ERC1: variants seen among roughly 807,000 people sequenced by gnomAD.
ERC1 encodes the protein RAB6 interacting protein 2.
Under a neutral mutation model 132.0 loss-of-function variants are expected in ERC1, and 56 were observed. The observed-to-expected ratio is 0.42, with a 90% CI of 0.34 to 0.53. The LOEUF is 0.53. ERC1 is among the 20% of genes least tolerant of loss of function. ERC1 has a pLI of 0.03. For missense variants in ERC1, 1,202 were observed against 1,349.9 expected (o/e 0.89, Z 1.72); for synonymous variants, 478 against 476.1 (o/e 1.00, Z -0.05).
At chr12:1,109,250 G>A (rs1236643166) in intron 4 of ERC1, among the ~76,000 whole-genome samples, 2 of 152,180 alleles carry the variant, frequency 1.3e-5, no homozygotes, top group Non-Finnish European at 2.9e-5. Flanking sequence ...GATATTTGTG[G>A]TAGAGATGAT....
rs567213863 is a variant in ERC1 at position 1,491,150 on chromosome 12, A to G, written c.*920A>G. 1.3e-5 allele frequency: 3 copies of G among 232,406 alleles called. No homozygotes were observed. The highest frequency in any genetic ancestry group is 3.6e-4 in the South Asian group (2 of 5,522). The allele number at this position is 232,406 out of a possible 1,614,324, so 14.4% of individuals were successfully genotyped here. A position where few individuals can be genotyped will look rare whatever the true frequency, so the allele number is the denominator to read the frequency against. On this transcript the variant is annotated 3_prime_UTR_variant, in exon 19 of 19. Coordinates refer to ENST00000360905, the MANE Select transcript of ERC1 (RefSeq NM_178040.4). The stretch of plus-strand genomic sequence containing the variant: ...TTGTCCCCGCCTGCAGCTTTGCCCC[A>G]GTAACAGATGCCCGTTGCTCTTGGG...
At chr12:1,012,739 C>T (rs1964904791) in intron 1 of ERC1, among the ~76,000 whole-genome samples, 2 of 152,100 alleles carry the variant, frequency 1.3e-5, no homozygotes, top group African/African-American at 4.8e-5. Flanking sequence ...CAGGCGTGAG[C>T]CACTGCTCCC....
At chr12:1,335,916 T>A (rs2083276225) in intron 15 of ERC1, among the ~76,000 whole-genome samples, 1 of 152,182 alleles carries the variant, frequency 6.6e-6, no homozygotes, top group Admixed American at 6.5e-5. Context: ...GTTGGTTGGC[T>A]ATTTGTGGCT....
At chr12:1,062,280 C>G (rs892260557) in intron 2 of ERC1, among the ~76,000 whole-genome samples, 6 of 151,952 alleles carry the variant, frequency 3.9e-5, no homozygotes, top group Admixed American at 3.3e-4. Flanking sequence ...ATGCGCCCGG[C>G]CTTTTCTTTT....
At chr12:1,468,552 A>G (rs2093793266) in intron 18 of ERC1, among the ~76,000 whole-genome samples, 1 of 152,150 alleles carries the variant, frequency 6.6e-6, no homozygotes, top group Admixed American at 6.5e-5. Flanking sequence ...CAGTGAGCTG[A>G]GATCATGCCA....
chr12:1,083,105 T>C, intron 2 of ERC1, 59 bp from the exon 3 acceptor site: 1 of 1,459,926 alleles, frequency 6.8e-7, no homozygotes, highest in Admixed American at 2.1e-5. Context: ...CAGGCTGCTC[T>C]GATTTGCTAC....
intron 12 of ERC1, among the ~76,000 whole-genome samples, chr12:1,202,727 AAATT>A (rs1204730379): frequency 5.9e-5 from 9 of 152,170 alleles, no homozygotes; most frequent in Non-Finnish European, 5.9e-5. Context: ...AAGTAGGTAA[AAATT>A]AAATTAATAA....
intron 15 of ERC1, among the ~76,000 whole-genome samples, chr12:1,307,812 CT>C (rs1295597016): frequency 6.6e-6 from 1 of 152,150 alleles, no homozygotes; most frequent in Admixed American, 6.5e-5. Context: ...TAAATAGAGG[CT>C]TTCAACCTAA....
At chr12:1,360,411 GC>G (rs961671495) in intron 15 of ERC1, among the ~76,000 whole-genome samples, 6 of 152,128 alleles carry the variant, frequency 3.9e-5, no homozygotes, top group Admixed American at 6.5e-5. Flanking sequence ...CTTCATTGGG[GC>G]TGTCATGGCT....
chr12:1,341,069 C>CTTTTCTTTTTTTTTTTTTTT (rs2083806248), intron 15 of ERC1, among the ~76,000 whole-genome samples: 1 of 63,134 alleles, frequency 1.6e-5, no homozygotes, highest in Non-Finnish European at 2.9e-5. Flanking sequence ...TTTTCTTTTT[C>CTTTTCTTTTTTTTTTTTTTT]TTTTTTTTTT....
At chr12:1,350,807 G>A (rs1373755949) in intron 15 of ERC1, among the ~76,000 whole-genome samples, 1 of 152,194 alleles carries the variant, frequency 6.6e-6, no homozygotes, top group East Asian at 1.9e-4. Flanking sequence ...CAAGGGCATG[G>A]CCCTGGCTTC....
rs901136150 is a variant in ERC1, at chr12:1,194,926, C to T, written c.2351+4874C>T. Among the ~76,000 whole-genome samples the T allele has an allele frequency of 1.3e-4, 14 of 107,396 alleles. No homozygotes were observed. The East Asian group carries it at 1.5e-3, about 12-fold the overall frequency. The allele number at this position is 107,396 out of a possible 152,430, so 70.5% of individuals were successfully genotyped here. ...TCCTGATTTGAGGGAATATAAGAAC[C>T]GGGATTTTAATGGATATAGATTTTT... is the stretch of plus-strand genomic sequence containing the variant. On this transcript the variant is annotated intron_variant, in intron 12 of 18. Transcript: ENST00000360905.
At chr12:1,050,868 G>A (rs934809733) in intron 2 of ERC1, among the ~76,000 whole-genome samples, 24 of 152,238 alleles carry the variant, frequency 1.6e-4, no homozygotes, top group Non-Finnish European at 2.9e-4. Flanking sequence ...AGCTGAGCGT[G>A]GTGGCGCGTT....
intron 8 of ERC1, among the ~76,000 whole-genome samples, chr12:1,148,848 C>T (rs1166922200): frequency 3.3e-5 from 5 of 152,256 alleles, no homozygotes; most frequent in Non-Finnish European, 7.4e-5. Context: ...ATGATCCTCC[C>T]GCCTCGGCCT....
At chr12:1,004,721 A>G (rs1440086309) in intron 1 of ERC1, among the ~76,000 whole-genome samples, 1 of 151,726 alleles carries the variant, frequency 6.6e-6, no homozygotes, top group African/African-American at 2.4e-5. Context: ...CACATTTCTA[A>G]GCATTTTTTT....
At chr12:1,025,359 T>C (rs1056630442) in intron 1 of ERC1, among the ~76,000 whole-genome samples, 8 of 152,208 alleles carry the variant, frequency 5.3e-5, no homozygotes, top group African/African-American at 1.9e-4. Context: ...ATTCTTTACA[T>C]ACTCTGTTTA....
chr12:1,254,064 A>G (rs2076636327), intron 13 of ERC1, among the ~76,000 whole-genome samples: 1 of 152,202 alleles, frequency 6.6e-6, no homozygotes, highest in African/African-American at 2.4e-5. Flanking sequence ...AGTAGGCTTC[A>G]GTTACATAAT....
At chr12:1,392,873 TTAGAGAA>T (rs1366913584) in intron 16 of ERC1, among the ~76,000 whole-genome samples, 1 of 152,122 alleles carries the variant, frequency 6.6e-6, no homozygotes, top group Non-Finnish European at 1.5e-5. Context: ...AAAAGAAACT[TTAGAGAA>T]TAGAGAAAAT....
intron 2 of ERC1, among the ~76,000 whole-genome samples, chr12:1,061,686 A>G (rs1937942610): frequency 6.8e-6 from 1 of 147,536 alleles, no homozygotes; most frequent in African/African-American, 2.6e-5. Context: ...CTCTCTAATT[A>G]TCTAATCTAA....
Sources: gnomAD v4.1 joint callset for allele counts (sites outside exome capture counted in the v4.1 genomes callset) on GRCh38, gnomAD v4.1.1 for gene constraint, MANE v1.5 for transcripts, NCBI Gene and HGNC (gene_info 2026-07-23, HGNC 2026-07-21) for gene names.